FOXP2: variants seen among roughly 807,000 people sequenced by gnomAD.
FOXP2 encodes the protein forkhead box protein P2.
Under a neutral mutation model 115.8 loss-of-function variants are expected in FOXP2, and 12 were observed. The ratio of observed to expected loss-of-function variants is 0.10; its 90% CI spans 0.07 to 0.17. The LOEUF (loss-of-function observed/expected upper bound fraction) is 0.17. Ranked by LOEUF, FOXP2 falls within the 10% of genes least tolerant of loss-of-function variation. FOXP2 has a pLI of 1.00. For missense variants in FOXP2, 629 were observed against 843.5 expected (o/e 0.75, Z 3.15); for synonymous variants, 328 against 297.7 (o/e 1.10, Z -1.05).
intron 2 of FOXP2, among the ~76,000 whole-genome samples, chr7:114,398,490 T>C (rs1584694191): frequency 6.6e-6 from 1 of 152,088 alleles, no homozygotes; most frequent in East Asian, 1.9e-4. Context: ...AATATAAAAA[T>C]GGACAAGAAG....
At chr7:114,198,126 A>T (rs1255240598) in intron 1 of FOXP2, among the ~76,000 whole-genome samples, 2 of 152,032 alleles carry the variant, frequency 1.3e-5, no homozygotes, top group East Asian at 3.9e-4. Flanking sequence ...AGCCTCCCAA[A>T]GTTCTGGGAT....
intron 1 of FOXP2, among the ~76,000 whole-genome samples, chr7:114,243,917 T>A (rs1381494009): frequency 9.9e-6 from 1 of 101,414 alleles, no homozygotes; most frequent in East Asian, 2.0e-4. Context: ...TTTTAGCTTG[T>A]TTTTTTTTTT....
chr7:114,445,715 G>A lies in FOXP2; in HGVS notation c.168+19036G>A, dbSNP rs148577871. Among the ~76,000 whole-genome samples, 125 of 152,016 alleles carry A rather than the reference G, an allele frequency of 8.2e-4. 2 individuals are homozygous for A. In the East Asian group the frequency reaches 0.018, roughly 22 times the overall value. On this transcript the variant is annotated intron_variant, in intron 2 of 16. Coordinates refer to ENST00000350908, the MANE Select transcript of FOXP2 (RefSeq NM_014491.4). ...ACAATATACACAGTTTCTAATTTAA[G>A]CTTTATTTTATACAAGATCATACAA... is the stretch of plus-strand genomic sequence containing the variant.
At chr7:114,093,803 CAACAT>C (rs1799589224) in intron 1 of FOXP2, among the ~76,000 whole-genome samples, 1 of 151,876 alleles carries the variant, frequency 6.6e-6, no homozygotes, top group Non-Finnish European at 1.5e-5. Flanking sequence ...ATCTGAGAAA[CAACAT>C]AACACTTAAA....
At chr7:114,086,701 A>C, upstream of FOXP2, 1 of 241,450 alleles carries the variant, frequency 4.1e-6, no homozygotes. Context: ...CTGCGACTTT[A>C]CTCTGCTCCG....
intron 3 of FOXP2, among the ~76,000 whole-genome samples, chr7:114,559,611 G>A (rs571254539): frequency 1.3e-5 from 2 of 152,078 alleles, no homozygotes; most frequent in Admixed American, 6.5e-5. Context: ...GGCTGGGCGC[G>A]GTGGCTCACG....
At chr7:114,279,536 A>G (rs1429419593) in intron 1 of FOXP2, among the ~76,000 whole-genome samples, 1 of 152,154 alleles carries the variant, frequency 6.6e-6, no homozygotes, top group African/African-American at 2.4e-5. Context: ...GTTTGACAAG[A>G]GATGGATAGA....
intron 1 of FOXP2, among the ~76,000 whole-genome samples, chr7:114,281,095 ATT>A (rs71157578): frequency 7.3e-4 from 68 of 92,872 alleles, no homozygotes; most frequent in African/African-American, 2.5e-3. Flanking sequence ...TGCAATTTGA[ATT>A]TTTTTTTTTT....
intron 3 of FOXP2, among the ~76,000 whole-genome samples, chr7:114,576,994 G>A (rs1801608816): frequency 6.6e-6 from 1 of 151,748 alleles, no homozygotes. Context: ...ATATAAAAGA[G>A]TGTGCATGTG....
intron 2 of FOXP2, among the ~76,000 whole-genome samples, chr7:114,451,507 A>G (rs1017948364): frequency 2.0e-5 from 3 of 151,990 alleles, no homozygotes; most frequent in Admixed American, 2.0e-4. Context: ...TCATTAAATG[A>G]TTATAGTTTG....
intron 2 of FOXP2, among the ~76,000 whole-genome samples, chr7:114,497,598 G>A (rs1435317026): frequency 6.6e-6 from 1 of 152,020 alleles, no homozygotes; most frequent in African/African-American, 2.4e-5. Flanking sequence ...GCAGTGAGCT[G>A]AGACCGTGCC....
chr7:114,311,795 A>G (rs993773979), intron 2 of FOXP2, among the ~76,000 whole-genome samples: 1 of 151,956 alleles, frequency 6.6e-6, no homozygotes, highest in East Asian at 1.9e-4. Context: ...ATTACTCTAC[A>G]TTTCACTTTT....
At chr7:114,587,303 C>A (rs1039581604) in intron 3 of FOXP2, among the ~76,000 whole-genome samples, 1 of 152,128 alleles carries the variant, frequency 6.6e-6, no homozygotes, top group African/African-American at 2.4e-5. Flanking sequence ...CTTCAACTCC[C>A]ACTTATGAGT....
At chr7:114,654,836 A>C (rs751577160) in intron 10 of FOXP2, among the ~76,000 whole-genome samples, 22 of 152,088 alleles carry the variant, frequency 1.4e-4, no homozygotes, top group Non-Finnish European at 2.9e-4. Context: ...CTATTTCTTT[A>C]GGTAAAAAAC....
rs1263376219 is a variant in FOXP2, at chr7:114,525,738, A to C, written c.169-8879A>C. 3.9e-5 allele frequency among the ~76,000 whole-genome samples: 6 copies of C among 152,132 alleles called. No individual in the cohort carries two copies. In the East Asian group the frequency reaches 1.2e-3, roughly 29 times the overall value. ...CTCTTCAGCCTGTCTCCTCCCCATA[A>C]GTCTATCACCTACCTGCTGCTGCTC... is the stretch of plus-strand genomic sequence containing the variant. On this transcript the variant is annotated intron_variant, in intron 2 of 16. Coordinates refer to ENST00000350908, the MANE Select transcript of FOXP2 (RefSeq NM_014491.4).
At chr7:114,408,738 T>A (rs1364524284) in intron 2 of FOXP2, among the ~76,000 whole-genome samples, 6 of 151,246 alleles carry the variant, frequency 4.0e-5, no homozygotes, top group Admixed American at 2.6e-4. Context: ...AAAACATAAA[T>A]AAAAATAAAT....
intron 1 of FOXP2, among the ~76,000 whole-genome samples, chr7:114,179,211 T>C (rs1219541888): frequency 6.6e-6 from 1 of 152,028 alleles, no homozygotes; most frequent in African/African-American, 2.4e-5. Context: ...GAGATTGACT[T>C]TGTTGGCTTT....
chr7:114,504,683 G>A lies in FOXP2; in HGVS notation c.169-29934G>A, dbSNP rs147838297. ...AGAGAATGTCATGTCAACATGATAAGCATCTGGATGAAAACTAAGCAAATT... is the reference window on the plus strand; with the variant it reads ...AGAGAATGTCATGTCAACATGATAAACATCTGGATGAAAACTAAGCAAATT... On this transcript the variant is annotated intron_variant, in intron 2 of 16. Coordinates refer to ENST00000350908, the MANE Select transcript of FOXP2 (RefSeq NM_014491.4). 4.3e-4 allele frequency among the ~76,000 whole-genome samples: 65 copies of A among 151,744 alleles called. 1 individual carries two copies. The East Asian group carries it at 0.012, about 28-fold the overall frequency.
intron 1 of FOXP2, among the ~76,000 whole-genome samples, chr7:114,133,389 G>C (rs1209353339): frequency 6.6e-6 from 1 of 152,206 alleles, no homozygotes; most frequent in Non-Finnish European, 1.5e-5. Context: ...AGAATTTTGA[G>C]CAGAGATGTG....
Sources: gnomAD v4.1 joint callset for allele counts (sites outside exome capture counted in the v4.1 genomes callset) on GRCh38, gnomAD v4.1.1 for gene constraint, MANE v1.5 for transcripts, NCBI Gene and HGNC (gene_info 2026-07-23, HGNC 2026-07-21) for gene names.